CUL9: variants seen among roughly 807,000 people sequenced by gnomAD.
CUL9 encodes the protein cullin 9, also known as cullin-9.
Under a neutral mutation model 272.6 loss-of-function variants are expected in CUL9, and 79 were observed. That is an observed-to-expected ratio of 0.29 (90% confidence interval 0.24 to 0.35). The LOEUF (loss-of-function observed/expected upper bound fraction) is 0.35, where lower values mean the gene tolerates loss of function less well. Ranked by LOEUF, CUL9 falls within the 10% of genes least tolerant of loss-of-function variation. The pLI is 1.00. For missense variants in CUL9, 2,532 were observed against 3,255.6 expected (o/e 0.78, Z 5.41); for synonymous variants, 1,186 against 1,286.5 (o/e 0.92, Z 1.67).
chr6:43,185,394 G>A (rs1210109888), intron 2 of CUL9, 62 bp from the exon 3 acceptor site: 2 of 1,561,852 alleles, frequency 1.3e-6, no homozygotes, highest in African/African-American at 2.7e-5. Flanking sequence ...ATAGAATCTA[G>A]GAAAGGCAGG....
rs748640458 is a variant in CUL9 at position 43,213,557 on chromosome 6, T to C, written c.5478T>C (p.Phe1826=). ...GPLTLHEGQD[F]PHGGVLRLHE... ...TGACCCTGCATGAGGGCCAGGACTT[T>C]CCACACGGGGGTAGGTCATTGGGGG... is the stretch of plus-strand genomic sequence containing the variant. The change falls in exon 28 of 41, where the codon TTT becomes TTC. Residue 1826 remains phenylalanine, a synonymous_variant. Coordinates refer to ENST00000252050, the MANE Select transcript of CUL9 (RefSeq NM_015089.4). The surrounding 1 kb of genome is among the most constrained non-coding windows in gnomAD (Gnocchi z 5.7). 1.9e-4 allele frequency: 304 copies of C among 1,600,800 alleles called. No individual in the cohort carries two copies. The highest frequency in any genetic ancestry group is 2.5e-4 in the Non-Finnish European group (293 of 1,174,430).
Position 43,184,141 on chromosome 6 carries a change from T to C in CUL9, c.-9-161T>C, listed in dbSNP as rs2150511422. 6.6e-6 allele frequency among the ~76,000 whole-genome samples: 1 copy of C among 152,224 alleles called. No homozygotes were observed. Among genetic ancestry groups the C allele is most frequent in the African/African-American group, 2.4e-5 (1 of 41,542 alleles). ...ATAAATCCCAAAGTATGTTCAGCTA[T>C]TTATTCCATCCTATTTTTTGCCTTT... On this transcript the variant is annotated intron_variant, in intron 1 of 40. Transcript: ENST00000252050. This position sits in a 1 kb window ranked among gnomAD's most constrained non-coding sequence, Gnocchi z 4.8.
At chr6:43,214,811 G>A (rs1370868468) in intron 29 of CUL9, among the ~76,000 whole-genome samples, 2 of 151,844 alleles carry the variant, frequency 1.3e-5, no homozygotes, top group African/African-American at 2.4e-5. Flanking sequence ...AAAAAAAAGA[G>A]AGAAACTTAG....
intron 16 of CUL9, among the ~76,000 whole-genome samples, chr6:43,201,395 C>G (rs1382653287): frequency 6.6e-6 from 1 of 152,098 alleles, no homozygotes; most frequent in Non-Finnish European, 1.5e-5. Flanking sequence ...AGCATATGTG[C>G]AAAATGGAAG....
intron 6 of CUL9, 98 bp from the exon 7 acceptor site, chr6:43,187,615 G>A: frequency 7.1e-7 from 1 of 1,399,652 alleles, no homozygotes; most frequent in South Asian, 1.3e-5. Flanking sequence ...TATGTAGAAG[G>A]TGTGGGGGCA....
At position 43,206,618 on chromosome 6, in the gene CUL9, G is replaced by C; in HGVS notation, c.5212+108G>C. On this transcript the variant is annotated intron_variant, in intron 26 of 40. Transcript: ENST00000252050. This position sits in a 1 kb window ranked among gnomAD's most constrained non-coding sequence, Gnocchi z 4.8. Reference sequence around the variant, plus strand: ...GATATAGATGTGAAGAAAAATATCAGCTCCTAGCGAGGGATGAGAAAGCAT... The same window carrying C: ...GATATAGATGTGAAGAAAAATATCACCTCCTAGCGAGGGATGAGAAAGCAT... 3 of 962,502 alleles carry C rather than the reference G, an allele frequency of 3.1e-6. No individual in the cohort carries two copies. Among genetic ancestry groups the C allele is most frequent in the Non-Finnish European group, 4.7e-6 (3 of 637,346 alleles). 59.6% of individuals were successfully genotyped at this position (962,502 alleles called of 1,614,324 possible). A position where few individuals can be genotyped will look rare whatever the true frequency, so the allele number is the denominator to read the frequency against.
chr6:43,191,268 GT>G (rs1773444806), intron 8 of CUL9, among the ~76,000 whole-genome samples: 1 of 147,844 alleles, frequency 6.8e-6, no homozygotes, highest in African/African-American at 2.5e-5. Context: ...GTGTGTGTGT[GT>G]GTGTGTGTGT....
In CUL9 at chr6:43,203,405, T is replaced by TG; in HGVS notation, c.3850-11dup. The TG allele has an allele frequency of 4.3e-6, 7 of 1,613,650 alleles. No individual in the cohort carries two copies. Among genetic ancestry groups the TG allele is most frequent in the Non-Finnish European group, 5.9e-6 (7 of 1,179,816 alleles). Reference sequence around the variant, plus strand: ...GCGGCTTGGGTGACAGATAAGTCTGTGCATGTTCCAGGGCGGCATTGACAC... The same window carrying TG: ...GCGGCTTGGGTGACAGATAAGTCTGTGGCATGTTCCAGGGCGGCATTGACAC... On this transcript the variant is annotated splice_polypyrimidine_tract_variant and intron_variant, in intron 18 of 40. Transcript: ENST00000252050. The surrounding 1 kb of genome is among the most constrained non-coding windows in gnomAD (Gnocchi z 5.0).
intron 8 of CUL9, among the ~76,000 whole-genome samples, chr6:43,192,634 C>T (rs141473315): frequency 4.7e-4 from 72 of 152,292 alleles, no homozygotes; most frequent in African/African-American, 1.7e-3. Flanking sequence ...TGAGATCGCG[C>T]CATTGCACTC....
chr6:43,186,541 G>A, intron 4 of CUL9, 86 bp downstream of exon 4: 3 of 1,502,054 alleles, frequency 2.0e-6, no homozygotes, highest in Non-Finnish European at 2.7e-6. Context: ...ACTCCTGCAG[G>A]CCACCCAAGA....
At position 43,216,472 on chromosome 6, in the gene CUL9, C is replaced by T. The variant is rs1386148721; in HGVS notation, c.6251C>T (p.Pro2084Leu). ...CCCCTGGGGTGTGACGACGACCTGC[C>T]CTCTCTCTGCTGCATGCACTATTGC... Reference protein sequence around the residue: ...VSPLGCDDDLPSLCCMHYCCK... With the variant: ...VSPLGCDDDLLSLCCMHYCCK... The change falls in exon 31 of 41, where the codon CCC becomes CTC. Residue 2084 changes from proline (P) to leucine (L), a missense_variant. Pro to Leu is a moderately conservative substitution (Grantham distance 98, BLOSUM62 -3). Coordinates refer to ENST00000252050, the MANE Select transcript of CUL9 (RefSeq NM_015089.4). The T allele has an allele frequency of 1.2e-6, 2 of 1,601,608 alleles. No individual in the cohort carries two copies. The highest frequency in any genetic ancestry group is 1.7e-6 in the Non-Finnish European group (2 of 1,170,162).
chr6:43,191,023 C>T (rs1166619525), intron 8 of CUL9, among the ~76,000 whole-genome samples: 1 of 151,938 alleles, frequency 6.6e-6, no homozygotes, highest in African/African-American at 2.4e-5. Flanking sequence ...CTTTTTGTTG[C>T]TACATTTTTC....
At chr6:43,197,050 A>ATT (rs368413188) in intron 11 of CUL9, among the ~76,000 whole-genome samples, 188 bp downstream of exon 11, 1 of 146,710 alleles carries the variant, frequency 6.8e-6, no homozygotes, top group Non-Finnish European at 1.5e-5. Flanking sequence ...AGGAAATTGC[A>ATT]TTTTTTTTTT....
rs1161183449 is a variant in CUL9 at position 43,221,925 on chromosome 6, C to T, written c.6846+147C>T. 25 of 671,138 alleles carry T rather than the reference C, an allele frequency of 3.7e-5. No homozygotes were observed. In the South Asian group the frequency reaches 3.8e-4, roughly 10 times the overall value. 41.6% of individuals were successfully genotyped at this position (671,138 alleles called of 1,614,324 possible). On this transcript the variant is annotated intron_variant, in intron 35 of 40. Transcript: ENST00000252050. This position sits in a 1 kb window ranked among gnomAD's most constrained non-coding sequence, Gnocchi z 4.2. Reference sequence around the variant, plus strand: ...GCTCACTGTGGGGAAGACAGAGCCACCTGGGCCTGCAGATGCTGGAAAGTC... The same window carrying T: ...GCTCACTGTGGGGAAGACAGAGCCATCTGGGCCTGCAGATGCTGGAAAGTC...
At chr6:43,204,136 C>A in intron 20 of CUL9, 149 bp downstream of exon 20, 2 of 1,131,428 alleles carry the variant, frequency 1.8e-6, no homozygotes, top group Non-Finnish European at 2.5e-6. Flanking sequence ...CTGCCCCAGG[C>A]ACTGCTCCCT....
intron 26 of CUL9, among the ~76,000 whole-genome samples, chr6:43,208,486 G>A (rs1340054006): frequency 2.0e-5 from 3 of 152,218 alleles, no homozygotes; most frequent in Non-Finnish European, 2.9e-5. Context: ...GATTATAGGC[G>A]TGAGCCACTG....
chr6:43,199,458 C>G lies in CUL9; in HGVS notation c.3156+87C>G. 1.9e-6 allele frequency: 2 copies of G among 1,031,774 alleles called. No homozygotes were observed. The highest frequency in any genetic ancestry group is 3.0e-6 in the Non-Finnish European group (2 of 661,122). The allele number at this position is 1,031,774 out of a possible 1,614,324, so 63.9% of individuals were successfully genotyped here. A position where few individuals can be genotyped will look rare whatever the true frequency, so the allele number is the denominator to read the frequency against. ...TGAGGCTCTGGAGGGCACAGCAGAG[C>G]CTTTCTGAATGGATCTTGGGGCACT... On this transcript the variant is annotated intron_variant, in intron 13 of 40. Transcript: ENST00000252050. This position sits in a 1 kb window ranked among gnomAD's most constrained non-coding sequence, Gnocchi z 4.4.
At chr6:43,191,507 C>CTTTTTTTTTTTTTT (rs1554167922) in intron 8 of CUL9, among the ~76,000 whole-genome samples, 82 of 73,070 alleles carry the variant, frequency 1.1e-3, no homozygotes, top group African/African-American at 2.2e-3. Flanking sequence ...TTTTTTTTTA[C>CTTTTTTTTTTTTTT]TTTTTGTAGA....
In CUL9 at chr6:43,201,064, C is replaced by G. The variant is rs530812150; in HGVS notation, c.3647+230C>G. Among the ~76,000 whole-genome samples, 16 of 152,308 alleles carry G rather than the reference C, an allele frequency of 1.1e-4. No homozygotes were observed. The East Asian group carries it at 2.7e-3, about 26-fold the overall frequency. ...CAGGTACAGATGGCACTGCCCTGTG[C>G]TTAGTGTTGAGGGAGATAAACAGCT... On this transcript the variant is annotated intron_variant, in intron 16 of 40. Coordinates refer to ENST00000252050, the MANE Select transcript of CUL9 (RefSeq NM_015089.4).
Sources: allele counts gnomAD v4.1 joint callset (sites outside exome capture counted in the v4.1 genomes callset), GRCh38; gene constraint gnomAD v4.1.1; non-coding constraint Gnocchi (gnomAD v3.1); transcripts MANE v1.5; gene names NCBI Gene and HGNC (gene_info 2026-07-23, HGNC 2026-07-21).